SNAPC4: variants seen among roughly 807,000 people sequenced by gnomAD.
SNAPC4 encodes small nuclear RNA activating complex polypeptide 4, also known as snRNA-activating protein complex subunit 4.
A neutral mutation model predicts 151.3 loss-of-function variants in SNAPC4; 127 were observed. The observed-to-expected ratio is 0.84, with a 90% CI of 0.73 to 0.97. SNAPC4 has a LOEUF of 0.97. SNAPC4 is among the 50% of genes least tolerant of loss of function. The pLI is 0.00. For synonymous variants in SNAPC4, 1,002 were observed against 824.4 expected (o/e 1.22, Z -3.69); for missense variants, 2,186 against 1,935.0 (o/e 1.13, Z -2.43).
chr9:136,399,207 G>A (rs1046431583), intron 1 of SNAPC4, among the ~76,000 whole-genome samples: 2 of 152,154 alleles, frequency 1.3e-5, no homozygotes, highest in African/African-American at 2.4e-5. Context: ...AAAGAGAAAC[G>A]CCCTCCCCCG....
chr9:136,388,387 T>C, intron 11 of SNAPC4, 57 bp downstream of exon 11: 3 of 1,567,284 alleles, frequency 1.9e-6, no homozygotes, highest in East Asian at 2.3e-5. Flanking sequence ...AAGTCTCCAG[T>C]GTCCTGATAT....
Position 136,376,407 on chromosome 9 carries a change from C to T in SNAPC4, c.4359G>A (p.Val1453=), listed in dbSNP as rs1182932285. ...DTSNDPDDLD[V]LRTRHARHTR... is the part of the protein sequence containing the mutation. The stretch of plus-strand genomic sequence containing the variant: ...TGTGCCTGGCATGCCGGGTTCTGAG[C>T]ACGTCCAGGTCGTCAGGGTCATTAG... The change falls in exon 23 of 24, where the codon GTG becomes GTA. Residue 1453 remains valine (V), a synonymous_variant. Coordinates refer to ENST00000684778, the MANE Select transcript of SNAPC4 (RefSeq NM_003086.4). 6.2e-7 allele frequency: 1 copy of T among 1,613,500 alleles called. No homozygotes were observed. The highest frequency in any genetic ancestry group is 8.5e-7 in the Non-Finnish European group (1 of 1,179,974).
chr9:136,376,938 T>G (rs1833467950), intron 22 of SNAPC4, among the ~76,000 whole-genome samples: 1 of 152,198 alleles, frequency 6.6e-6, no homozygotes, highest in Non-Finnish European at 1.5e-5. Context: ...GCTGCCTGCT[T>G]CTGGTGGTTT....
chr9:136,387,927 G>A (rs1231194062), intron 11 of SNAPC4, 79 bp from the exon 12 acceptor site: 2 of 850,882 alleles, frequency 2.4e-6, no homozygotes, highest in Non-Finnish European at 4.1e-6. Flanking sequence ...GGACAACAGG[G>A]TCCCGTGGGG....
At chr9:136,393,259 C>CG (rs1834144237) in intron 7 of SNAPC4, among the ~76,000 whole-genome samples, 1 of 152,188 alleles carries the variant, frequency 6.6e-6, no homozygotes, top group Admixed American at 6.5e-5. Flanking sequence ...CATCAGGCCA[C>CG]GGGGGGCAGG....
chr9:136,382,052 G>A lies in SNAPC4; in HGVS notation c.2089C>T (p.Pro697Ser). Residue 697 changes from proline (P) to serine (S), a missense_variant, in exon 18 of 24, where the codon CCC (proline) becomes TCC (serine). Pro to Ser is a moderately conservative substitution (Grantham distance 74). Coordinates refer to ENST00000684778, the MANE Select transcript of SNAPC4 (RefSeq NM_003086.4). ...ACCCCTGGGGATGAGGTGGGCAGGGGTGGCTGCCTCAGCTGCTCTTTCTGT... is the reference window on the plus strand; with the variant it reads ...ACCCCTGGGGATGAGGTGGGCAGGGATGGCTGCCTCAGCTGCTCTTTCTGT... ...CTQKEQLRQP[P>S]LPTSSPGVSS... 6.3e-7 allele frequency: 1 copy of A among 1,596,094 alleles called. No individual in the cohort carries two copies. Among genetic ancestry groups the A allele is most frequent in the South Asian group, 1.1e-5 (1 of 89,294 alleles).
chr9:136,376,320 G>C, intron 23 of SNAPC4, 29 bp downstream of exon 23: 2 of 1,610,802 alleles, frequency 1.2e-6, no homozygotes, highest in Non-Finnish European at 8.5e-7. Flanking sequence ...CTGGGTTGTA[G>C]GGCAGTGGCC....
chr9:136,379,898 G>T (rs926694156), intron 20 of SNAPC4, 34 bp from the exon 21 acceptor site: 41 of 1,603,550 alleles, frequency 2.6e-5, no homozygotes, highest in Non-Finnish European at 3.3e-5. Context: ...CAGCAGCTCA[G>T]GTGTCCTCTG....
In SNAPC4 at chr9:136,394,804, G is replaced by C. The variant is rs1439103584; in HGVS notation, c.546C>G (p.Thr182=). The C allele has an allele frequency of 5.0e-6, 8 of 1,613,618 alleles. No individual in the cohort carries two copies. The South Asian group carries it at 6.6e-5, about 13-fold the overall frequency. ...GIKAFEELLV[T]KWKNWEKALL... ...AGGGCCGGCCAGGGCTCTTACATTT[G>C]GTCACAAGGAGCTCCTCGAAAGCCT... The change falls in exon 6 of 24, where the codon ACC becomes ACG. Residue 182 remains threonine (T), a synonymous_variant. Transcript: ENST00000684778.
rs200582692 is a variant in SNAPC4 at position 136,384,823 on chromosome 9, G to C, written c.1326-9C>G. ...GTAATCTCCTGAGATACCTGAACGT[G>C]ACATGAAAAGCAAAGAACGTTTTAG... is the stretch of plus-strand genomic sequence containing the variant. On this transcript the variant is annotated splice_polypyrimidine_tract_variant and intron_variant, in intron 13 of 23. Coordinates refer to ENST00000684778, the MANE Select transcript of SNAPC4 (RefSeq NM_003086.4). 2.2e-5 allele frequency: 34 copies of C among 1,522,714 alleles called. No individual in the cohort carries two copies. In the East Asian group the frequency reaches 3.0e-4, roughly 13 times the overall value. The allele number at this position is 1,522,714 out of a possible 1,614,324, so 94.3% of individuals were successfully genotyped here. A position where few individuals can be genotyped will look rare whatever the true frequency, so the allele number is the denominator to read the frequency against.
In SNAPC4 at chr9:136,379,229, C is replaced by CA; in HGVS notation, c.2597dup (p.Ala867GlyfsTer173). On this transcript the variant is annotated frameshift_variant, in exon 22 of 24. Transcript: ENST00000684778. LOFTEE classifies it high-confidence loss of function. ...GGGTGCGCTCCACCCGGCTGGACGC[C>CA]AGTCTTCGGCTCCCTTTGTGGCTGG... 6.2e-7 allele frequency: 1 copy of CA among 1,612,454 alleles called. No individual in the cohort carries two copies. Among genetic ancestry groups the CA allele is most frequent in the South Asian group, 1.1e-5 (1 of 90,992 alleles).
intron 10 of SNAPC4, among the ~76,000 whole-genome samples, chr9:136,390,178 G>A (rs1413905423): frequency 1.3e-5 from 2 of 152,140 alleles, no homozygotes; most frequent in East Asian, 1.9e-4. Context: ...GCCAGAGGCT[G>A]GTCAGGCGGG....
chr9:136,388,015 C>T (rs1833947521), intron 11 of SNAPC4, among the ~76,000 whole-genome samples, 167 bp from the exon 12 acceptor site: 1 of 152,106 alleles, frequency 6.6e-6, no homozygotes, highest in Admixed American at 6.5e-5. Context: ...TGCCTGTCAT[C>T]CCAGCACTTT....
At position 136,382,260 on chromosome 9, in the gene SNAPC4, C is replaced by T. The variant is rs1833725152; in HGVS notation, c.2060G>A (p.Cys687Tyr). The T allele has an allele frequency of 6.2e-7, 1 of 1,612,626 alleles. No homozygotes were observed. ...VLRANTAARS[C>Y]TQKEQLRQPP... ...GTCTGCAGCAGGCCTCACCTGTGTG[C>T]AGCTCCGAGCAGCCGTGTTGGCCCT... The change falls in exon 17 of 24, where the codon TGC becomes TAC. Residue 687 changes from cysteine to tyrosine, a missense_variant. Transcript: ENST00000684778.
At chr9:136,382,988 C>A (rs1833753081) in intron 16 of SNAPC4, among the ~76,000 whole-genome samples, 198 bp downstream of exon 16, 1 of 152,208 alleles carries the variant, frequency 6.6e-6, no homozygotes, top group Non-Finnish European at 1.5e-5. Context: ...ACCCCTGAAA[C>A]AGTCAACAAG....
At chr9:136,396,846 A>G (rs1449595993) in intron 3 of SNAPC4, 131 bp downstream of exon 3, 3 of 765,530 alleles carry the variant, frequency 3.9e-6, no homozygotes, top group Admixed American at 4.1e-5. Flanking sequence ...TAATTTTTTT[A>G]TAACAAACGT....
rs1286054021 is a variant in SNAPC4, at chr9:136,396,986, G to A, written c.168C>T (p.Pro56=). The A allele has an allele frequency of 3.7e-6, 6 of 1,612,778 alleles. No homozygotes were observed. Among genetic ancestry groups the A allele is most frequent in the East Asian group, 2.2e-5 (1 of 44,898 alleles). Reference sequence around the variant, plus strand: ...TCAGGCCAACAGTTACCGAGATCGGGGGATCGGCAGGATCCAAGTCCTCAG... The same window carrying A: ...TCAGGCCAACAGTTACCGAGATCGGAGGATCGGCAGGATCCAAGTCCTCAG... ...LPSEDLDPAD[P]PISEEERWGE... is the part of the protein sequence containing the mutation. The change falls in exon 3 of 24, where the codon CCC becomes CCT. Residue 56 remains proline (P), a synonymous_variant. Transcript: ENST00000684778.
intron 22 of SNAPC4, among the ~76,000 whole-genome samples, chr9:136,376,990 T>TGGCACCAGGGGAGGAGGCCTCTCTGGG (rs1833469579): frequency 6.6e-6 from 1 of 152,186 alleles, no homozygotes; most frequent in Non-Finnish European, 1.5e-5. Context: ...GTGGGCACCC[T>TGGCACCAGGGGAGGAGGCCTCTCTGGG]GGCACCAGGG....
At chr9:136,395,494 G>C (rs953456182) in intron 4 of SNAPC4, 71 bp from the exon 5 acceptor site, 15 of 1,578,070 alleles carry the variant, frequency 9.5e-6, no homozygotes, top group Non-Finnish European at 1.3e-5. Context: ...AGGAGACCCG[G>C]GGCAGAGGAG....
Sources: gnomAD v4.1 joint callset for allele counts (sites outside exome capture counted in the v4.1 genomes callset) on GRCh38, gnomAD v4.1.1 for gene constraint, MANE v1.5 for transcripts, NCBI Gene and HGNC (gene_info 2026-07-23, HGNC 2026-07-21) for gene names.